Variants in TTN observed in about 807,000 individuals in gnomAD.
The protein encoded by TTN is connectin.
TTN carries 1,525 observed loss-of-function variants against 3,223.0 expected under a neutral mutation model. The ratio of observed to expected loss-of-function variants is 0.47; its 90% CI spans 0.45 to 0.49. The LOEUF is 0.49. Among genes scored for constraint, TTN ranks in the 20% least tolerant of loss-of-function variants. The pLI is 0.00. For synonymous variants in TTN, 14,094 were observed against 15,161.0 expected, an observed-to-expected ratio of 0.93 and a Z score of 5.17; for missense variants, 40,786 against 43,424.0, an observed-to-expected ratio of 0.94 and a Z score of 5.40.
rs760292453 is a variant in TTN, at chr2:178,552,018, C to T, written c.90882G>A (p.Glu30294=). ...TTTCTGCTCTCACTCTAAACTGGTA[C>T]TCAGCATCTTTGACTAGATTAGGAA... ...FKVPNLVKDA[E]YQFRVRAENR... is the part of the protein sequence containing the mutation. The change falls in exon 335 of 363, where the codon GAG becomes GAA. Residue 30294 remains glutamate (E), a synonymous_variant. Transcript: ENST00000589042. The T allele has an allele frequency of 6.2e-7, 1 of 1,613,160 alleles. No homozygotes were observed. Among genetic ancestry groups the T allele is most frequent in the East Asian group, 2.2e-5 (1 of 44,840 alleles).
At position 178,620,988 on chromosome 2, in the gene TTN, G is replaced by A. The variant is rs1339878633; in HGVS notation, c.45622C>T (p.Leu15208Phe). Residue 15208 changes from leucine (L) to phenylalanine (F), a missense_variant, in exon 247 of 363, where the codon CTC (leucine) becomes TTC (phenylalanine). By Grantham distance (22) the Leu-to-Phe change is conservative. Coordinates refer to ENST00000589042, the MANE Select transcript of TTN (RefSeq NM_001267550.2). ...TCCTTAAGAGGAACTACGATCCTGA[G>A]TTTTTCTGAAAGCAACCGACAAGAC... ...AAAHLTVIEK[L>F]RIVVPLKDTR... 4 of 1,609,338 alleles carry A rather than the reference G, an allele frequency of 2.5e-6. No individual in the cohort carries two copies. The highest frequency in any genetic ancestry group is 2.5e-6 in the Non-Finnish European group (3 of 1,178,412).
intron 20 of TTN, 40 bp downstream of exon 20, chr2:178,782,172 T>C (rs770732593): frequency 1.2e-6 from 2 of 1,610,844 alleles, no homozygotes; most frequent in East Asian, 2.2e-5. Flanking sequence ...GCACGTATTA[T>C]ACAAGTCACA....
chr2:178,733,265 G>C lies in TTN; in HGVS notation c.16028C>G (p.Ser5343Cys), dbSNP rs369132752. 6.2e-7 allele frequency: 1 copy of C among 1,607,886 alleles called. No homozygotes were observed. Among genetic ancestry groups the C allele is most frequent in the South Asian group, 1.1e-5 (1 of 90,138 alleles). ...TAATACAGTGAATGTAGTCTCACAG[G>C]AGCTGCTGCCCACTTCATTGGAAAT... Reference protein sequence around the residue: ...FEISNEVGSSSCETTFTVLDR... With the variant: ...FEISNEVGSSCCETTFTVLDR... Residue 5343 changes from serine to cysteine, a missense_variant, in exon 54 of 363, where the codon TCC becomes TGC. Ser to Cys is a moderately radical substitution (Grantham distance 112, BLOSUM62 -1). Coordinates refer to ENST00000589042, the MANE Select transcript of TTN (RefSeq NM_001267550.2).
Position 178,537,214 on chromosome 2 carries a change from C to T in TTN, c.99895G>A (p.Val33299Met). The T allele has an allele frequency of 6.2e-7, 1 of 1,608,332 alleles. No homozygotes were observed. The highest frequency in any genetic ancestry group is 1.3e-5 in the African/African-American group (1 of 74,856). The change falls in exon 356 of 363, where the codon GTG (valine) becomes ATG (methionine). Residue 33299 changes from valine (V) to methionine (M), a missense_variant. By Grantham distance (21) the Val-to-Met change is conservative. Transcript: ENST00000589042. ...GAGTTCTTCAATAGAGCTTCGATCA[C>T]AATTGGTCCTGTAGGTTTGTCTGGT... The part of the protein sequence containing the change: ...DKPDKPTGPI[V>M]IEALLKNSAV...
intron 6 of TTN, among the ~76,000 whole-genome samples, chr2:178,796,886 G>A (rs1405450455): frequency 1.3e-5 from 2 of 152,088 alleles, no homozygotes; most frequent in East Asian, 3.8e-4. Context: ...GAGATACAAT[G>A]CACCTTATTC....
rs1247087176 is a variant in TTN, at chr2:178,715,047, A to G, written c.26139T>C (p.Tyr8713=). The G allele has an allele frequency of 6.2e-7, 1 of 1,613,622 alleles. No individual in the cohort carries two copies. Among genetic ancestry groups the G allele is most frequent in the African/African-American group, 1.3e-5 (1 of 75,018 alleles). The change falls in exon 90 of 363, where the codon TAT becomes TAC. Residue 8713 remains tyrosine (Y), a synonymous_variant. Coordinates refer to ENST00000589042, the MANE Select transcript of TTN (RefSeq NM_001267550.2). The stretch of plus-strand genomic sequence containing the variant: ...CCACATCATTTGTGGCTTTACACTG[A>G]TATTCCCCAATGTCTGCAGCATCGA... ...LNVDAADIGE[Y]QCKATNDVGS... is the part of the protein sequence containing the mutation.
chr2:178,769,101 C>T (rs1396616369), intron 37 of TTN, among the ~76,000 whole-genome samples, 168 bp from the exon 38 acceptor site: 1 of 151,846 alleles, frequency 6.6e-6, no homozygotes, highest in African/African-American at 2.4e-5. Flanking sequence ...AGGACAGTGC[C>T]AACTCACAGA....
chr2:178,712,604 CA>C lies in TTN; in HGVS notation c.27329-12del, dbSNP rs764424113. 7 of 1,607,244 alleles carry C rather than the reference CA, an allele frequency of 4.4e-6. No individual in the cohort carries two copies. In the African/African-American group the frequency reaches 5.4e-5, roughly 12 times the overall value. The stretch of plus-strand genomic sequence containing the variant: ...CAAATTTGGCTGGGGCTAAAGTGAC[CA>C]AATTGAAAATATAAAATCAAACACA... On this transcript the variant is annotated splice_polypyrimidine_tract_variant and intron_variant, in intron 94 of 362. Transcript: ENST00000589042.
At position 178,799,552 on chromosome 2, in the gene TTN, T is replaced by C. The variant is rs2154358483; in HGVS notation, c.849A>G (p.Pro283=). Residue 283 remains proline, a synonymous_variant, in exon 6 of 363, where the codon CCA becomes CCG. Transcript: ENST00000589042. ...GGGAAGGGGAGTGTCTTATGGGCGA[T>C]GGGGACTGCTGCCGAGCCAGCTGTG... is the stretch of plus-strand genomic sequence containing the variant. ...AKAQLARQQS[P]SPIRHSPSPV... 4 of 1,614,056 alleles carry C rather than the reference T, an allele frequency of 2.5e-6. No homozygotes were observed. The highest frequency in any genetic ancestry group is 2.2e-5 in the East Asian group (1 of 44,868).
intron 240 of TTN, among the ~76,000 whole-genome samples, chr2:178,625,689 C>T (rs1016864086): frequency 6.6e-6 from 1 of 151,942 alleles, no homozygotes; most frequent in Non-Finnish European, 1.5e-5. Flanking sequence ...CATCATCTAG[C>T]ATTGGGTATA....
Position 178,777,466 on chromosome 2 carries a change from T to G in TTN, c.4599A>C (p.Gln1533His). 1 of 1,613,924 alleles carries G rather than the reference T, an allele frequency of 6.2e-7. No individual in the cohort carries two copies. Among genetic ancestry groups the G allele is most frequent in the Non-Finnish European group, 8.5e-7 (1 of 1,179,934 alleles). ...SDSGEWTVVA[Q>H]NRAGRSSISV... ...AAATTGAAGATCTGCCTGCCCTGTT[T>G]TGGGCAACCACAGTCCATTCCCCAG... Residue 1533 changes from glutamine (Q) to histidine (H), a missense_variant, in exon 26 of 363, where the codon CAA becomes CAC. Coordinates refer to ENST00000589042, the MANE Select transcript of TTN (RefSeq NM_001267550.2).
chr2:178,745,220 A>G (rs1323453719), intron 47 of TTN: 1 of 1,061,996 alleles, frequency 9.4e-7, no homozygotes, highest in Non-Finnish European at 1.1e-6. Context: ...CCACTTTTAC[A>G]TTGTACTTTT....
chr2:178,651,595 G>A (rs1457601766), intron 206 of TTN, 59 bp from the exon 207 acceptor site: 9 of 1,610,618 alleles, frequency 5.6e-6, no homozygotes, highest in Non-Finnish European at 4.2e-6. Context: ...TGAAAATCAT[G>A]AAGCAGAACA....
At chr2:178,729,219 A>C in intron 64 of TTN, 50 bp from the exon 65 acceptor site, 3 of 1,549,766 alleles carry the variant, frequency 1.9e-6, no homozygotes, top group Non-Finnish European at 2.6e-6. Context: ...TGTAACTCCT[A>C]CCCATAATGA....
Position 178,531,607 on chromosome 2 carries a change from T to G in TTN, c.105008A>C (p.Asp35003Ala). 6.2e-7 allele frequency: 1 copy of G among 1,613,990 alleles called. No homozygotes were observed. Among genetic ancestry groups the G allele is most frequent in the South Asian group, 1.1e-5 (1 of 91,086 alleles). ...GGTTCCACTGTCATCAGTATGACAGTCCAGAATTTCCAGGGTGAGGACTCC... is the reference window on the plus strand; with the variant it reads ...GGTTCCACTGTCATCAGTATGACAGGCCAGAATTTCCAGGGTGAGGACTCC... ...TSGVLTLEIL[D>A]CHTDDSGTYR... The change falls in exon 358 of 363, where the codon GAC becomes GCC. Residue 35003 changes from aspartate to alanine, a missense_variant. Coordinates refer to ENST00000589042, the MANE Select transcript of TTN (RefSeq NM_001267550.2).
Position 178,748,422 on chromosome 2 carries a change from G to T in TTN, c.11311+4702C>A, listed in dbSNP as rs786205403. On this transcript the variant is annotated intron_variant, in intron 47 of 362. Coordinates refer to ENST00000589042, the MANE Select transcript of TTN (RefSeq NM_001267550.2). ...TTTTGCACACTTTTAGAGATATTGT[G>T]TGTGTCAGGTTGTAACGTTTCAGGG... is the stretch of plus-strand genomic sequence containing the variant. The T allele has an allele frequency of 5.6e-6, 9 of 1,613,142 alleles. No individual in the cohort carries two copies. Among genetic ancestry groups the T allele is most frequent in the Non-Finnish European group, 6.8e-6 (8 of 1,179,380 alleles).
chr2:178,689,915 C>T lies in TTN; in HGVS notation c.31763-19G>A, dbSNP rs1424995493. The T allele has an allele frequency of 6.2e-7, 1 of 1,600,496 alleles. No homozygotes were observed. Among genetic ancestry groups the T allele is most frequent in the Non-Finnish European group, 8.6e-7 (1 of 1,168,598 alleles). On this transcript the variant is annotated intron_variant, in intron 121 of 362. Coordinates refer to ENST00000589042, the MANE Select transcript of TTN (RefSeq NM_001267550.2). Reference sequence around the variant, plus strand: ...TCTGGGACTTAAAGTTTTTGAAACACAATGTTAGTTCAGACATATATCACT... The same window carrying T: ...TCTGGGACTTAAAGTTTTTGAAACATAATGTTAGTTCAGACATATATCACT...
intron 47 of TTN, chr2:178,745,641 C>T (rs760628595): frequency 1.9e-6 from 3 of 1,612,696 alleles, no homozygotes; most frequent in Non-Finnish European, 2.5e-6. Context: ...TTTGTAGCTA[C>T]ACACCTATAC....
chr2:178,631,703 G>A (rs951171744), intron 236 of TTN, among the ~76,000 whole-genome samples: 1 of 151,962 alleles, frequency 6.6e-6, no homozygotes, highest in African/African-American at 2.4e-5. Flanking sequence ...CTTTAATCAT[G>A]TCTATATATG....
Sources: allele counts gnomAD v4.1 joint callset (sites outside exome capture counted in the v4.1 genomes callset), GRCh38; gene constraint gnomAD v4.1.1; transcripts MANE v1.5; gene names NCBI Gene and HGNC (gene_info 2026-07-23, HGNC 2026-07-21).